The following RBPMS variants were observed in gnomAD, a reference collection of about 807,000 sequenced individuals.
RBPMS encodes the protein RNA-binding protein with multiple splicing.
A neutral mutation model predicts 26.8 loss-of-function variants in RBPMS; 7 were observed. That is an observed-to-expected ratio of 0.26 (90% CI 0.15 to 0.49). The LOEUF (loss-of-function observed/expected upper bound fraction) is 0.49, where lower values mean the gene tolerates loss of function less well. RBPMS is among the 20% of genes least tolerant of loss of function. The pLI is 0.98. For synonymous variants in RBPMS, 96 were observed against 93.3 expected, an observed-to-expected ratio of 1.03 and a Z score of -0.17; for missense variants, 186 against 250.0, an observed-to-expected ratio of 0.74 and a Z score of 1.73.
chr8:30,443,690 G>GT (rs1813394510), intron 1 of RBPMS, among the ~76,000 whole-genome samples: 2 of 151,950 alleles, frequency 1.3e-5, no homozygotes. Flanking sequence ...TGCCTCCCAG[G>GT]TTCAAGTGAT....
intron 1 of RBPMS, among the ~76,000 whole-genome samples, chr8:30,453,330 A>G (rs879441281): frequency 2.6e-5 from 4 of 152,240 alleles, no homozygotes; most frequent in Admixed American, 2.6e-4. Flanking sequence ...CTACATTTCA[A>G]TAAAATGCTA....
intron 1 of RBPMS, chr8:30,387,282 CAGAA>C (rs1807225267): frequency 6.6e-6 from 1 of 152,180 alleles, no homozygotes; most frequent in South Asian, 2.1e-4. Flanking sequence ...TTTATAATGT[CAGAA>C]ATTGAGGAAA....
chr8:30,504,209 G>T (rs1305844948), intron 4 of RBPMS, 77 bp from the exon 5 acceptor site: 2 of 1,487,814 alleles, frequency 1.3e-6, no homozygotes, highest in African/African-American at 1.4e-5. Context: ...GGGTTTACTG[G>T]TGTGTTTATT....
At chr8:30,527,966 A>G (rs1171667476) in intron 5 of RBPMS, among the ~76,000 whole-genome samples, 1 of 152,302 alleles carries the variant, frequency 6.6e-6, no homozygotes, top group East Asian at 1.9e-4. Flanking sequence ...ACCTGAGGTC[A>G]GAAGTTCAAG....
At chr8:30,461,832 G>C (rs1004001235) in intron 1 of RBPMS, among the ~76,000 whole-genome samples, 2 of 152,216 alleles carry the variant, frequency 1.3e-5, no homozygotes, top group Admixed American at 6.5e-5. Context: ...TTTCTGTGAA[G>C]TTTTATTATA....
At chr8:30,444,772 A>G (rs1813536872) in intron 1 of RBPMS, 1 of 152,252 alleles carries the variant, frequency 6.6e-6, no homozygotes, top group Non-Finnish European at 1.5e-5. Flanking sequence ...TGCCTAGCCA[A>G]AACAATTGAA....
intron 1 of RBPMS, among the ~76,000 whole-genome samples, chr8:30,418,089 G>A (rs555464769): frequency 4.7e-4 from 72 of 152,250 alleles, no homozygotes; most frequent in African/African-American, 1.6e-3. Flanking sequence ...TCTAGAACTT[G>A]TTTAATATTG....
At chr8:30,494,078 C>A (rs1302431820) in intron 4 of RBPMS, among the ~76,000 whole-genome samples, 1 of 152,300 alleles carries the variant, frequency 6.6e-6, no homozygotes, top group South Asian at 2.1e-4. Flanking sequence ...GGAATCCAGT[C>A]TCTGCAATTA....
At chr8:30,386,444 A>G (rs1807095522) in intron 1 of RBPMS, among the ~76,000 whole-genome samples, 1 of 152,256 alleles carries the variant, frequency 6.6e-6, no homozygotes, top group Non-Finnish European at 1.5e-5. Flanking sequence ...GTGAAAACCT[A>G]AATGAATTGC....
chr8:30,568,733 C>T (rs994629636), intron 8 of RBPMS, among the ~76,000 whole-genome samples: 1 of 152,176 alleles, frequency 6.6e-6, no homozygotes, highest in Non-Finnish European at 1.5e-5. Context: ...TCCCAGATGT[C>T]TTTGGATTCT....
At chr8:30,485,679 C>T (rs979405880) in intron 4 of RBPMS, among the ~76,000 whole-genome samples, 1 of 152,136 alleles carries the variant, frequency 6.6e-6, no homozygotes, top group South Asian at 2.1e-4. Flanking sequence ...GACAAACAGC[C>T]GTGTCCAGTG....
chr8:30,487,704 TATG>T (rs1482016177), intron 4 of RBPMS, among the ~76,000 whole-genome samples: 1 of 152,010 alleles, frequency 6.6e-6, no homozygotes, highest in Non-Finnish European at 1.5e-5. Flanking sequence ...ACATAATAAA[TATG>T]AGACTAGGAG....
chr8:30,446,577 T>G (rs1813793772), intron 1 of RBPMS, among the ~76,000 whole-genome samples: 1 of 152,228 alleles, frequency 6.6e-6, no homozygotes, highest in Non-Finnish European at 1.5e-5. Context: ...TAATGTGGCT[T>G]AACCATAATA....
chr8:30,532,872 A>G (rs1461312901), intron 5 of RBPMS, among the ~76,000 whole-genome samples: 3 of 152,166 alleles, frequency 2.0e-5, no homozygotes, highest in Non-Finnish European at 4.4e-5. Context: ...ACCCACTCCC[A>G]CCGAGGACCA....
intron 1 of RBPMS, among the ~76,000 whole-genome samples, chr8:30,411,614 G>A (rs1183604803): frequency 1.4e-5 from 2 of 146,306 alleles, no homozygotes; most frequent in African/African-American, 2.6e-5. Flanking sequence ...GCAGTGAGCC[G>A]TGATTGCACC....
chr8:30,471,213 C>T (rs1184495593), intron 1 of RBPMS, among the ~76,000 whole-genome samples: 1 of 152,070 alleles, frequency 6.6e-6, no homozygotes, highest in Non-Finnish European at 1.5e-5. Context: ...TATATGTTGG[C>T]TACTTTATAG....
At chr8:30,491,818 T>G (rs925076292) in intron 4 of RBPMS, among the ~76,000 whole-genome samples, 5 of 152,174 alleles carry the variant, frequency 3.3e-5, no homozygotes, top group African/African-American at 1.2e-4. Context: ...AAGAGCTCGT[T>G]AAATGCATTC....
intron 1 of RBPMS, among the ~76,000 whole-genome samples, chr8:30,420,928 T>G (rs145737522): frequency 1.1e-3 from 163 of 152,304 alleles, no homozygotes; most frequent in African/African-American, 3.5e-3. Context: ...TTAGAAACTT[T>G]CAGTCAATTG....
At chr8:30,523,339 T>C (rs975201974) in intron 5 of RBPMS, among the ~76,000 whole-genome samples, 1 of 149,622 alleles carries the variant, frequency 6.7e-6, no homozygotes, top group African/African-American at 2.5e-5. Context: ...ATCGTACCAC[T>C]GCATTCCAGC....
Sources: gnomAD v4.1 joint callset for allele counts (sites outside exome capture counted in the v4.1 genomes callset) on GRCh38, gnomAD v4.1.1 for gene constraint, MANE v1.5 for transcripts, NCBI Gene and HGNC (gene_info 2026-07-23, HGNC 2026-07-21) for gene names.